KMT2C: variants seen among roughly 807,000 people sequenced by gnomAD.
KMT2C encodes lysine methyltransferase 2C.
Under a neutral mutation model 507.9 loss-of-function variants are expected in KMT2C, and 88 were observed. The ratio of observed to expected loss-of-function variants is 0.17; its 90% confidence interval spans 0.15 to 0.21. The LOEUF (loss-of-function observed/expected upper bound fraction) is 0.21. Among genes scored for constraint, KMT2C ranks in the 10% least tolerant of loss-of-function variants. The pLI is 1.00. For missense variants in KMT2C, 4,954 were observed against 5,957.8 expected (o/e 0.83, Z 5.55); for synonymous variants, 2,049 against 2,080.8 (o/e 0.98, Z 0.42).
chr7:152,178,014 TTAAAAAA>T lies in KMT2C; in HGVS notation c.7443-11_7443-5del. 8.9e-7 allele frequency: 1 copy of T among 1,129,686 alleles called. No individual in the cohort carries two copies. The highest frequency in any genetic ancestry group is 1.1e-6 in the Non-Finnish European group (1 of 936,118). 70.0% of individuals were successfully genotyped at this position (1,129,686 alleles called of 1,614,324 possible). ...ACTACCTCCTGGAAATCCAAATCTTTTAAAAAAAAAAAAAAAAAAAAAAAAAAAGCAA... is the reference window on the plus strand; with the variant it reads ...ACTACCTCCTGGAAATCCAAATCTTTAAAAAAAAAAAAAAAAAAAAAGCAA... On this transcript the variant is annotated splice_polypyrimidine_tract_variant and splice_region_variant and intron_variant, in intron 37 of 58. Coordinates refer to ENST00000262189, the MANE Select transcript of KMT2C (RefSeq NM_170606.3).
intron 1 of KMT2C, among the ~76,000 whole-genome samples, chr7:152,400,657 C>T (rs1484328382): frequency 6.6e-6 from 1 of 152,178 alleles, no homozygotes; most frequent in Non-Finnish European, 1.5e-5. Flanking sequence ...CTAATGAGGA[C>T]TTTTACAGAT....
At position 152,181,013 on chromosome 7, in the gene KMT2C, G is replaced by T. The variant is rs771120073; in HGVS notation, c.6847C>A (p.Leu2283Ile). Residue 2283 changes from leucine to isoleucine, a missense_variant, in exon 36 of 59, where the codon CTT becomes ATT. Transcript: ENST00000262189. The part of the protein sequence containing the change: ...SQTPRPPGPG[L>I]SDTFSRVSPS... Reference sequence around the variant, plus strand: ...GAAACACGGCTAAATGTGTCTGAAAGACCAGGTCCAGGGGGCCTAGGTGTC... The same window carrying T: ...GAAACACGGCTAAATGTGTCTGAAATACCAGGTCCAGGGGGCCTAGGTGTC... 3.5e-5 allele frequency: 56 copies of T among 1,614,208 alleles called. No homozygotes were observed. Among genetic ancestry groups the T allele is most frequent in the Non-Finnish European group, 4.7e-5 (56 of 1,180,034 alleles).
intron 32 of KMT2C, 116 bp from the exon 33 acceptor site, chr7:152,187,592 CAA>C (rs1213383972): frequency 4.2e-6 from 6 of 1,422,214 alleles, no homozygotes; most frequent in African/African-American, 1.5e-5. Context: ...ATATTTATAG[CAA>C]AAGCCACAAT....
intron 9 of KMT2C, among the ~76,000 whole-genome samples, chr7:152,253,329 T>C (rs2095591985): frequency 6.6e-6 from 1 of 151,622 alleles, no homozygotes; most frequent in Non-Finnish European, 1.5e-5. Flanking sequence ...AAGAAACATA[T>C]GCTAGGAGCA....
intron 1 of KMT2C, among the ~76,000 whole-genome samples, chr7:152,364,934 GACACACACACACACACACACACAC>G (rs71198778): frequency 7.2e-6 from 1 of 138,058 alleles, no homozygotes; most frequent in African/African-American, 2.7e-5. Flanking sequence ...GAAACAGACA[GACACACACACACACACACACACAC>G]ACACACACAC....
At position 152,207,383 on chromosome 7, in the gene KMT2C, T is replaced by G. The variant is rs746101321; in HGVS notation, c.3758A>C (p.Glu1253Ala). Residue 1253 changes from glutamate (E) to alanine (A), a missense_variant, in exon 24 of 59, where the codon GAG becomes GCG. By Grantham distance (107) the Glu-to-Ala change is moderately radical (BLOSUM62 -1). Around this residue, in one of 29 missense-constraint regions of KMT2C, gnomAD observed 176 missense variants for 262.0 expected, o/e 0.67. Transcript: ENST00000262189. ...AGTTTCATCATCCACAGCTTCCCGC[T>G]CAGGACTAGATTCTGATTTTCCATC... The part of the protein sequence containing the change: ...DCDGKSESSP[E>A]REAVDDETKG... 3.0e-5 allele frequency: 48 copies of G among 1,610,790 alleles called. No homozygotes were observed. The highest frequency in any genetic ancestry group is 3.8e-5 in the Non-Finnish European group (45 of 1,178,488).
intron 1 of KMT2C, among the ~76,000 whole-genome samples, chr7:152,371,007 A>T (rs191570310): frequency 6.6e-6 from 1 of 152,252 alleles, no homozygotes; most frequent in Admixed American, 6.5e-5. Flanking sequence ...AATGCTAAAG[A>T]AAGTTCTTCA....
At chr7:152,174,947 A>C (rs115785859) in intron 38 of KMT2C, among the ~76,000 whole-genome samples, 257 of 152,310 alleles carry the variant, frequency 1.7e-3, no homozygotes, top group African/African-American at 6.0e-3. Flanking sequence ...GGACAGTAAG[A>C]AGCTTTATTT....
At chr7:152,434,008 T>C (rs1379449246) in intron 1 of KMT2C, among the ~76,000 whole-genome samples, 1 of 152,226 alleles carries the variant, frequency 6.6e-6, no homozygotes, top group Admixed American at 6.5e-5. Context: ...GATGAAGAAA[T>C]GCTTTGCAAA....
intron 3 of KMT2C, among the ~76,000 whole-genome samples, chr7:152,319,607 C>T (rs1436695416): frequency 6.6e-6 from 1 of 151,974 alleles, no homozygotes; most frequent in Non-Finnish European, 1.5e-5. Flanking sequence ...TCTACTCCTC[C>T]ACCTCTTGTG....
At chr7:152,421,255 G>C (rs2097775784) in intron 1 of KMT2C, among the ~76,000 whole-genome samples, 1 of 152,106 alleles carries the variant, frequency 6.6e-6, no homozygotes, top group Non-Finnish European at 1.5e-5. Flanking sequence ...AAACATGTTG[G>C]CAAGGTTGTA....
intron 6 of KMT2C, among the ~76,000 whole-genome samples, chr7:152,274,976 A>C (rs1266403759): frequency 6.6e-6 from 1 of 152,186 alleles, no homozygotes; most frequent in Non-Finnish European, 1.5e-5. Context: ...TAAACAGCTT[A>C]GCTGAGATAA....
intron 1 of KMT2C, among the ~76,000 whole-genome samples, chr7:152,378,810 A>C (rs1409567440): frequency 6.6e-6 from 1 of 152,178 alleles, no homozygotes; most frequent in Non-Finnish European, 1.5e-5. Flanking sequence ...TGAAGTAAGT[A>C]TTTCCAACAG....
intron 5 of KMT2C, 98 bp downstream of exon 5, chr7:152,311,700 T>A (rs2096673075): frequency 1.2e-6 from 1 of 835,648 alleles, no homozygotes; most frequent in African/African-American, 1.7e-5. Flanking sequence ...TAATTATTTC[T>A]AGATGAAAGG....
At chr7:152,251,672 T>G (rs2095564239) in intron 11 of KMT2C, among the ~76,000 whole-genome samples, 1 of 152,130 alleles carries the variant, frequency 6.6e-6, no homozygotes, top group African/African-American at 2.4e-5. Flanking sequence ...GAACTTCCAC[T>G]GTCGGCCTGA....
intron 2 of KMT2C, among the ~76,000 whole-genome samples, chr7:152,351,876 TG>T (rs1368176905): frequency 1.3e-5 from 2 of 152,202 alleles, no homozygotes; most frequent in Non-Finnish European, 2.9e-5. Context: ...GACCCTGTGA[TG>T]ATTGCATTAA....
chr7:152,153,026 T>A (rs1213625075), intron 48 of KMT2C, 72 bp from the exon 49 acceptor site: 1 of 1,545,032 alleles, frequency 6.5e-7, no homozygotes, highest in Non-Finnish European at 8.9e-7. Flanking sequence ...AAATACACAC[T>A]TAGGATAAAT....
chr7:152,251,327 A>C (rs116476591), intron 11 of KMT2C, among the ~76,000 whole-genome samples: 1 of 152,190 alleles, frequency 6.6e-6, no homozygotes, highest in East Asian at 1.9e-4. Flanking sequence ...TTTTAAAAGG[A>C]TATTTCAAAA....
At chr7:152,216,409 A>G (rs986338579) in intron 23 of KMT2C, among the ~76,000 whole-genome samples, 3 of 152,222 alleles carry the variant, frequency 2.0e-5, no homozygotes, top group African/African-American at 7.2e-5. Flanking sequence ...TTGTTCCAAT[A>G]CTCCAGGAAC....
Sources: allele counts gnomAD v4.1 joint callset (sites outside exome capture counted in the v4.1 genomes callset), GRCh38; gene constraint gnomAD v4.1.1; regional missense constraint gnomAD v4.1.1; transcripts MANE v1.5; gene names NCBI Gene and HGNC (gene_info 2026-07-23, HGNC 2026-07-21).